MLLT3: variants seen among roughly 807,000 people sequenced by gnomAD.
MLLT3 encodes the protein protein AF-9.
Under a neutral mutation model 53.2 loss-of-function variants are expected in MLLT3, and 4 were observed. The observed-to-expected ratio is 0.08, with a 90% CI of 0.04 to 0.17. The LOEUF is 0.17. MLLT3 is among the 10% of genes least tolerant of loss of function. The pLI, the probability that MLLT3 is intolerant of heterozygous loss-of-function variation, is 1.00. For synonymous variants in MLLT3, 283 were observed against 230.6 expected (o/e 1.23, Z -2.06); for missense variants, 569 against 684.0 (o/e 0.83, Z 1.87).
At chr9:20,423,454 G>GC (rs1018902280) in intron 4 of MLLT3, among the ~76,000 whole-genome samples, 2 of 151,972 alleles carry the variant, frequency 1.3e-5, no homozygotes, top group South Asian at 4.2e-4. Context: ...AATGCAATGG[G>GC]CCCCCCTGGC....
intron 8 of MLLT3, among the ~76,000 whole-genome samples, chr9:20,359,072 G>A (rs1270726047): frequency 6.7e-6 from 1 of 148,202 alleles, no homozygotes; most frequent in Non-Finnish European, 1.5e-5. Flanking sequence ...TTGAACCCAG[G>A]AGGCGGAGGT....
At chr9:20,397,417 C>T (rs1586918217) in intron 5 of MLLT3, among the ~76,000 whole-genome samples, 1 of 152,072 alleles carries the variant, frequency 6.6e-6, no homozygotes, top group South Asian at 2.1e-4. Context: ...CACCCACCAG[C>T]GATTGGCAAG....
rs1823745939 is a variant in MLLT3, at chr9:20,447,982, T to C, written c.420+141A>G. Reference sequence around the variant, plus strand: ...TCATCTCAACACATGAATCCACAGCTAAGCCATTAAGGTACATCATTTCTT... The same window carrying C: ...TCATCTCAACACATGAATCCACAGCCAAGCCATTAAGGTACATCATTTCTT... On this transcript the variant is annotated intron_variant, in intron 4 of 10. Transcript: ENST00000380338. 3 of 815,690 alleles carry C rather than the reference T, an allele frequency of 3.7e-6. No homozygotes were observed. The East Asian group carries it at 7.5e-5, about 21-fold the overall frequency. 50.5% of individuals were successfully genotyped at this position (815,690 alleles called of 1,614,324 possible).
Position 20,394,310 on chromosome 9 carries a change from G to T in MLLT3, c.1125+19411C>A, listed in dbSNP as rs768922241. On this transcript the variant is annotated intron_variant, in intron 5 of 10. Coordinates refer to ENST00000380338, the MANE Select transcript of MLLT3 (RefSeq NM_004529.4). ...GGCAGGGAGGCAGAGCAGTTCTTCCGATCTGAACACAAAATAAGACACTAG... is the reference window on the plus strand; with the variant it reads ...GGCAGGGAGGCAGAGCAGTTCTTCCTATCTGAACACAAAATAAGACACTAG... 1.1e-4 allele frequency among the ~76,000 whole-genome samples: 17 copies of T among 152,176 alleles called. 1 individual carries two copies. Among genetic ancestry groups the T allele is most frequent in the Admixed American group, 1.0e-3 (16 of 15,274 alleles).
chr9:20,498,346 T>C (rs1436531983), intron 2 of MLLT3, among the ~76,000 whole-genome samples: 1 of 148,118 alleles, frequency 6.8e-6, no homozygotes, highest in Non-Finnish European at 1.5e-5. Flanking sequence ...GAGAATGTAA[T>C]ACTCTTCTAT....
At chr9:20,380,339 GAAC>G (rs1366567158) in intron 5 of MLLT3, 2 of 152,008 alleles carry the variant, frequency 1.3e-5, no homozygotes, top group Admixed American at 6.6e-5. Context: ...TGTTCAATTA[GAAC>G]AACAGCACAC....
intron 2 of MLLT3, among the ~76,000 whole-genome samples, chr9:20,609,089 T>G (rs939653652): frequency 2.6e-5 from 4 of 152,074 alleles, no homozygotes; most frequent in African/African-American, 9.7e-5. Flanking sequence ...GCCTTTACAA[T>G]GTAAGAAAAT....
At chr9:20,609,955 C>G (rs1587129477) in intron 2 of MLLT3, among the ~76,000 whole-genome samples, 1 of 152,078 alleles carries the variant, frequency 6.6e-6, no homozygotes, top group East Asian at 1.9e-4. Flanking sequence ...TATTGTCTAG[C>G]ATGATAACCA....
At chr9:20,381,326 T>G (rs1280437019) in intron 5 of MLLT3, among the ~76,000 whole-genome samples, 2 of 151,952 alleles carry the variant, frequency 1.3e-5, no homozygotes, top group Non-Finnish European at 2.9e-5. Context: ...AAATTCTCCT[T>G]GAATGTAGTT....
intron 2 of MLLT3, among the ~76,000 whole-genome samples, chr9:20,539,333 C>A (rs920600264): frequency 6.6e-6 from 1 of 152,206 alleles, no homozygotes; most frequent in African/African-American, 2.4e-5. Flanking sequence ...TTTACAGCAT[C>A]TTTACCAAGA....
intron 5 of MLLT3, among the ~76,000 whole-genome samples, chr9:20,413,045 A>C (rs569799285): frequency 6.6e-6 from 1 of 152,176 alleles, no homozygotes; most frequent in African/African-American, 2.4e-5. Flanking sequence ...ATTAGCAAAA[A>C]CTTGTAGTGA....
At chr9:20,410,505 TAAG>T (rs1456619123) in intron 5 of MLLT3, 1 of 152,152 alleles carries the variant, frequency 6.6e-6, no homozygotes, top group Non-Finnish European at 1.5e-5. Context: ...CACTGAAATT[TAAG>T]ACACAGCCTG....
intron 2 of MLLT3, among the ~76,000 whole-genome samples, chr9:20,478,981 A>G (rs1199964529): frequency 1.3e-5 from 2 of 152,110 alleles, no homozygotes; most frequent in Non-Finnish European, 1.5e-5. Flanking sequence ...AAAGAATGAG[A>G]TTGACAGGAA....
chr9:20,347,666 G>C (rs903541956), intron 10 of MLLT3, among the ~76,000 whole-genome samples: 1 of 152,012 alleles, frequency 6.6e-6, no homozygotes, highest in Non-Finnish European at 1.5e-5. Flanking sequence ...TGGGCACAGC[G>C]TTTTTTGGGG....
chr9:20,444,321 G>C (rs899550950), intron 4 of MLLT3, among the ~76,000 whole-genome samples: 1 of 152,080 alleles, frequency 6.6e-6, no homozygotes, highest in African/African-American at 2.4e-5. Context: ...AAATAGGGAG[G>C]TGCTTCTCCA....
intron 2 of MLLT3, among the ~76,000 whole-genome samples, chr9:20,557,749 A>C (rs1019093190): frequency 3.3e-5 from 5 of 152,208 alleles, no homozygotes; most frequent in Admixed American, 3.3e-4. Flanking sequence ...AACACTAGCA[A>C]AGGTATTTTA....
intron 2 of MLLT3, among the ~76,000 whole-genome samples, chr9:20,540,856 G>C (rs1179927249): frequency 1.3e-5 from 2 of 152,202 alleles, no homozygotes; most frequent in African/African-American, 4.8e-5. Context: ...ACATGGTCAG[G>C]CTGCAAATTT....
At chr9:20,550,980 G>C (rs989291360) in intron 2 of MLLT3, among the ~76,000 whole-genome samples, 1 of 152,026 alleles carries the variant, frequency 6.6e-6, no homozygotes, top group Non-Finnish European at 1.5e-5. Context: ...AACCAGGCTA[G>C]TCTCAAACTC....
chr9:20,349,712 G>C (rs964938932), intron 10 of MLLT3, among the ~76,000 whole-genome samples: 5 of 152,074 alleles, frequency 3.3e-5, no homozygotes, highest in African/African-American at 1.2e-4. Context: ...ACGTCAGCCC[G>C]GGCATTTCTC....
Sources: gnomAD v4.1 joint callset for allele counts (sites outside exome capture counted in the v4.1 genomes callset) on GRCh38, gnomAD v4.1.1 for gene constraint, MANE v1.5 for transcripts, NCBI Gene and HGNC (gene_info 2026-07-23, HGNC 2026-07-21) for gene names.